Variants in ETFB observed in about 807,000 individuals in gnomAD.
The protein encoded by ETFB is electron transfer flavoprotein subunit beta, also known as beta-ETF.
Under a neutral mutation model 25.6 loss-of-function variants are expected in ETFB, and 20 were observed. The observed-to-expected ratio is 0.78, with a 90% confidence interval of 0.55 to 1.14. The LOEUF is 1.14. Ranked by LOEUF, ETFB falls within the 50% of genes most tolerant of loss-of-function variation. The pLI is 0.00. For synonymous variants in ETFB, 142 were observed against 146.7 expected, an observed-to-expected ratio of 0.97 and a Z score of 0.23; for missense variants, 286 against 342.6, an observed-to-expected ratio of 0.83 and a Z score of 1.30.
At chr19:51,358,157 G>T (rs1986128186) in intron 1 of ETFB, among the ~76,000 whole-genome samples, 1 of 152,204 alleles carries the variant, frequency 6.6e-6, no homozygotes. Context: ...TCTCCCATGT[G>T]GCCGCCACCC....
intron 1 of ETFB, chr19:51,355,954 A>T (rs1247221070): frequency 2.7e-5 from 1 of 36,752 alleles, no homozygotes. Context: ...GGGTGGGGGG[A>T]GGGGGGAGGG....
chr19:51,347,108 G>C (rs370000302), intron 4 of ETFB, 50 bp from the exon 5 acceptor site: 50 of 1,595,458 alleles, frequency 3.1e-5, no homozygotes, highest in Non-Finnish European at 3.9e-5. Context: ...ATTCAGGTCC[G>C]ACCCGAGCAG....
intron 1 of ETFB, chr19:51,354,605 C>T (rs1986030176): frequency 5.0e-6 from 8 of 1,612,784 alleles, no homozygotes; most frequent in Non-Finnish European, 6.8e-6. Context: ...CTCAAATTTA[C>T]AGTATTTATG....
intron 5 of ETFB, chr19:51,346,166 T>C (rs912589557): frequency 3.3e-5 from 4 of 119,844 alleles, no homozygotes; most frequent in African/African-American, 1.3e-4. Flanking sequence ...TAGACTGAGA[T>C]GATGTGCTGA....
intron 1 of ETFB, among the ~76,000 whole-genome samples, chr19:51,362,199 ACAC>A (rs1986250340): frequency 1.4e-5 from 2 of 145,850 alleles, no homozygotes; most frequent in Admixed American, 1.3e-4. Flanking sequence ...ACACACACAC[ACAC>A]ACGAATACAC....
chr19:51,347,173 G>T, intron 4 of ETFB, 115 bp from the exon 5 acceptor site: 1 of 1,049,434 alleles, frequency 9.5e-7, no homozygotes, highest in South Asian at 1.3e-5. Flanking sequence ...ATGAGGGAGC[G>T]AACAATGCAG....
At chr19:51,349,665 G>A (rs1985883343) in intron 4 of ETFB, among the ~76,000 whole-genome samples, 1 of 151,658 alleles carries the variant, frequency 6.6e-6, no homozygotes, top group Admixed American at 6.6e-5. Flanking sequence ...GGCTGGTCTC[G>A]AACTCCTGGG....
chr19:51,347,144 C>G, intron 4 of ETFB, 86 bp from the exon 5 acceptor site: 2 of 1,347,560 alleles, frequency 1.5e-6, no homozygotes, highest in South Asian at 1.2e-5. Flanking sequence ...ACTGAGTACA[C>G]GCATGGACTA....
In ETFB at chr19:51,346,994, C is replaced by G. The variant is rs1254568118; in HGVS notation, c.503G>C (p.Gly168Ala). The change falls in exon 5 of 6, where the codon GGG becomes GCG. Residue 168 changes from glycine to alanine, a missense_variant. Gly to Ala is a moderately conservative substitution (Grantham distance 60). Transcript: ENST00000309244. ...DKLKVEREID[G>A]GLETLRLKLP... ...CTTCAGGCGCAGGGTCTCCAGGCCC[C>G]CATCGATCTCCCGCTCCACTTTCAA... is the stretch of plus-strand genomic sequence containing the variant. The G allele has an allele frequency of 6.2e-7, 1 of 1,612,298 alleles. No homozygotes were observed.
At chr19:51,354,620 C>T (rs1568468379) in intron 1 of ETFB, 3 of 1,613,736 alleles carry the variant, frequency 1.9e-6, no homozygotes, top group Non-Finnish European at 2.5e-6. Context: ...TTTATGGTAA[C>T]CCACAGTGAG....
At chr19:51,349,778 T>A (rs1985886940) in intron 4 of ETFB, among the ~76,000 whole-genome samples, 2 of 151,760 alleles carry the variant, frequency 1.3e-5, no homozygotes, top group Admixed American at 6.6e-5. Flanking sequence ...AGACGGAGCC[T>A]CCCTCTGTTG....
At chr19:51,359,841 G>C (rs1182666160) in intron 1 of ETFB, among the ~76,000 whole-genome samples, 1 of 150,924 alleles carries the variant, frequency 6.6e-6, no homozygotes, top group East Asian at 2.0e-4. Flanking sequence ...GCAACATAGA[G>C]AGACTTCATC....
intron 1 of ETFB, among the ~76,000 whole-genome samples, chr19:51,359,119 T>C (rs1986158520): frequency 6.6e-6 from 1 of 152,038 alleles, no homozygotes; most frequent in African/African-American, 2.4e-5. Flanking sequence ...AGGTGCCACC[T>C]TGCCTTACTG....
intron 3 of ETFB, 43 bp downstream of exon 3, chr19:51,353,089 C>T (rs767954823): frequency 1.1e-5 from 17 of 1,611,440 alleles, no homozygotes; most frequent in Non-Finnish European, 1.4e-5. Flanking sequence ...TCCTCCCGAG[C>T]AGGGATGAGC....
At chr19:51,353,352 C>A (rs570096935) in intron 2 of ETFB, 62 bp from the exon 3 acceptor site, 1 of 1,594,324 alleles carries the variant, frequency 6.3e-7, no homozygotes, top group Non-Finnish European at 8.6e-7. Flanking sequence ...GAGTCTGGCT[C>A]GCAGCCCCTC....
intron 2 of ETFB, among the ~76,000 whole-genome samples, chr19:51,353,821 G>A (rs1599842727): frequency 2.0e-5 from 1 of 49,260 alleles, no homozygotes; most frequent in Non-Finnish European, 3.8e-5. Context: ...CTCAGACCCA[G>A]GAGTCCAGGG....
In ETFB at chr19:51,362,919, G is replaced by A. The variant is rs541412656; in HGVS notation, c.57+3351C>T. Among the ~76,000 whole-genome samples, 5 of 152,276 alleles carry A rather than the reference G, an allele frequency of 3.3e-5. No individual in the cohort carries two copies. The East Asian group carries it at 7.7e-4, about 24-fold the overall frequency. ...TAAACAACACTGTGGATTACAAAGT[G>A]TCCACACCAGCTTCCCTCTGGGGAC... On this transcript the variant is annotated intron_variant, in intron 1 of 5. Transcript: ENST00000309244.
chr19:51,354,614 T>C (rs775008414), intron 1 of ETFB: 32 of 1,610,220 alleles, frequency 2.0e-5, no homozygotes, highest in Non-Finnish European at 2.6e-5. Flanking sequence ...ACAGTATTTA[T>C]GGTAACCCAC....
intron 1 of ETFB, chr19:51,354,889 A>G: frequency 4.2e-6 from 2 of 480,536 alleles, no homozygotes; most frequent in Non-Finnish European, 7.6e-6. Context: ...CTTTTCAGGC[A>G]CGTACATGGT....
Sources: gnomAD v4.1 joint callset for allele counts (sites outside exome capture counted in the v4.1 genomes callset) on GRCh38, gnomAD v4.1.1 for gene constraint, MANE v1.5 for transcripts, NCBI Gene and HGNC (gene_info 2026-07-23, HGNC 2026-07-21) for gene names.